The following RUVBL1 variants were observed in gnomAD, a reference collection of about 807,000 sequenced individuals.
The protein encoded by RUVBL1 is RuvB like AAA ATPase 1, also known as ruvB-like 1.
Under a neutral mutation model 52.4 loss-of-function variants are expected in RUVBL1, and 4 were observed. The ratio of observed to expected loss-of-function variants is 0.08; its 90% CI spans 0.04 to 0.17. RUVBL1 has a LOEUF of 0.17. RUVBL1 is among the 10% of genes least tolerant of loss of function. The pLI, the probability that RUVBL1 is intolerant of heterozygous loss-of-function variation, is 1.00. For synonymous variants in RUVBL1, 217 were observed against 214.4 expected, an observed-to-expected ratio of 1.01 and a Z score of -0.10; for missense variants, 298 against 572.8, an observed-to-expected ratio of 0.52 and a Z score of 4.90.
upstream of RUVBL1, among the ~76,000 whole-genome samples, chr3:128,128,601 T>C (rs1336215031): frequency 1.3e-5 from 2 of 152,208 alleles, no homozygotes; most frequent in African/African-American, 4.8e-5. Context: ...AACCTTGATA[T>C]TGAAGTTGCA....
chr3:128,119,427 A>G lies in RUVBL1; in HGVS notation c.142-13T>C, dbSNP rs1445221483. ...TGACGCCACATGCCTACACACCACAATGGAAAGAAATAATAAATCAATATT... is the reference window on the plus strand; with the variant it reads ...TGACGCCACATGCCTACACACCACAGTGGAAAGAAATAATAAATCAATATT... On this transcript the variant is annotated splice_polypyrimidine_tract_variant and intron_variant, in intron 1 of 10. Coordinates refer to ENST00000322623, the MANE Select transcript of RUVBL1 (RefSeq NM_003707.3). 6.3e-7 allele frequency: 1 copy of G among 1,591,990 alleles called. No individual in the cohort carries two copies. Among genetic ancestry groups the G allele is most frequent in the South Asian group, 1.1e-5 (1 of 89,584 alleles).
intron 1 of RUVBL1, among the ~76,000 whole-genome samples, chr3:128,132,000 T>C (rs756932648): frequency 4.6e-5 from 7 of 151,788 alleles, no homozygotes; most frequent in Admixed American, 2.6e-4. Flanking sequence ...CTAAAGAGAG[T>C]AGGAAAGACA....
chr3:128,140,137 C>T (rs1943997667), intron 1 of RUVBL1, among the ~76,000 whole-genome samples: 1 of 151,146 alleles, frequency 6.6e-6, no homozygotes, highest in Non-Finnish European at 1.5e-5. Flanking sequence ...ATCTCATGTA[C>T]TCCTTAAATG....
intron 1 of RUVBL1, among the ~76,000 whole-genome samples, chr3:128,150,877 TTC>T (rs1461684597): frequency 1.5e-4 from 10 of 66,792 alleles, no homozygotes; most frequent in African/African-American, 6.1e-4. Context: ...TATATATATA[TTC>T]TATATATATA....
At chr3:128,102,543 A>G (rs1304474654) in intron 4 of RUVBL1, among the ~76,000 whole-genome samples, 1 of 152,274 alleles carries the variant, frequency 6.6e-6, no homozygotes, top group East Asian at 1.9e-4. Flanking sequence ...TTGCCCAAAC[A>G]AAATTAAAAA....
chr3:128,138,849 C>T (rs945764544), intron 1 of RUVBL1, among the ~76,000 whole-genome samples: 1 of 151,872 alleles, frequency 6.6e-6, no homozygotes, highest in Non-Finnish European at 1.5e-5. Context: ...GCATTAAAAA[C>T]AAAAACAAAA....
At position 128,081,861 on chromosome 3, in the gene RUVBL1, A is replaced by G. The variant is rs1481461887; in HGVS notation, c.1212-452T>C. On this transcript the variant is annotated intron_variant, in intron 10 of 10. Coordinates refer to ENST00000322623, the MANE Select transcript of RUVBL1 (RefSeq NM_003707.3). This position sits in a 1 kb window ranked among gnomAD's most constrained non-coding sequence, Gnocchi z 4.8. ...CCTTCATCCAAACCTCACAGCTTGC[A>G]TTTCTGCCTTCAACCTCAGGAGCAA... 3.0e-5 allele frequency: 5 copies of G among 164,298 alleles called. No individual in the cohort carries two copies. The highest frequency in any genetic ancestry group is 5.4e-5 in the Non-Finnish European group (4 of 74,426). The allele number at this position is 164,298 out of a possible 1,614,324, so 10.2% of individuals were successfully genotyped here. A position where few individuals can be genotyped will look rare whatever the true frequency, so the allele number is the denominator to read the frequency against.
upstream of RUVBL1, among the ~76,000 whole-genome samples, chr3:128,127,433 T>G (rs1238866101): frequency 6.6e-6 from 1 of 152,308 alleles, no homozygotes. Context: ...ACCTTTGCTC[T>G]TTCACCTCCA....
intron 6 of RUVBL1, among the ~76,000 whole-genome samples, chr3:128,099,725 T>TA (rs1943071285): frequency 6.6e-6 from 1 of 152,228 alleles, no homozygotes; most frequent in Admixed American, 6.5e-5. Context: ...GCTGAATAGC[T>TA]AAAGGCAGCA....
downstream of RUVBL1, chr3:128,075,879 C>T (rs1051752520): frequency 6.6e-6 from 1 of 152,396 alleles, no homozygotes; most frequent in Non-Finnish European, 1.5e-5. Context: ...GCCCTGAGAT[C>T]CCCACTGCCC....
At chr3:128,152,406 C>A (rs1361487220) in intron 1 of RUVBL1, among the ~76,000 whole-genome samples, 1 of 152,194 alleles carries the variant, frequency 6.6e-6, no homozygotes, top group East Asian at 1.9e-4. Flanking sequence ...GGAGTTTCAA[C>A]TCAAACAGCA....
intron 9 of RUVBL1, chr3:128,083,098 A>G (rs1265077313): frequency 2.6e-5 from 4 of 154,474 alleles, no homozygotes; most frequent in Non-Finnish European, 5.8e-5. Flanking sequence ...TCACCGGGAG[A>G]TATCTAATCT....
Position 128,067,893 on chromosome 3 carries a change from G to A in RUVBL1, c.940-2673C>T. 1 of 1,004,012 alleles carries A rather than the reference G, an allele frequency of 1.0e-6. No individual in the cohort carries two copies. Among genetic ancestry groups the A allele is most frequent in the Non-Finnish European group, 1.6e-6 (1 of 635,550 alleles). 62.2% of individuals were successfully genotyped at this position (1,004,012 alleles called of 1,614,324 possible). ...TGTATGAATATTGTCAGTGCTCGAAGAGGCGATCTGTAACTGTTCAGTACC... is the reference window on the plus strand; with the variant it reads ...TGTATGAATATTGTCAGTGCTCGAAAAGGCGATCTGTAACTGTTCAGTACC... On this transcript the variant is annotated intron_variant, in intron 9 of 9. Transcript: ENST00000464873. The surrounding 1 kb of genome is among the most constrained non-coding windows in gnomAD (Gnocchi z 4.1).
At chr3:128,123,313 G>A (rs1242805528) in intron 1 of RUVBL1, among the ~76,000 whole-genome samples, 1 of 152,186 alleles carries the variant, frequency 6.6e-6, no homozygotes, top group African/African-American at 2.4e-5. Context: ...TAAGGGGACG[G>A]GGTTGTGTGG....
exon 10 of RUVBL1, chr3:128,065,014 TTTG>T: frequency 6.2e-7 from 1 of 1,614,234 alleles, no homozygotes. Flanking sequence ...CATCTTTGTC[TTTG>T]CAGTGGTCAT....
At chr3:128,153,334 C>G (rs1437078142) in exon 1 of RUVBL1, 1 of 1,372,326 alleles carries the variant, frequency 7.3e-7, no homozygotes, top group East Asian at 3.0e-5. Context: ...ACCACCCACT[C>G]GGAGCACGGC....
chr3:128,112,734 G>T (rs1324480702), intron 3 of RUVBL1, among the ~76,000 whole-genome samples, 154 bp downstream of exon 3: 1 of 152,152 alleles, frequency 6.6e-6, no homozygotes, highest in Non-Finnish European at 1.5e-5. Context: ...CTGGGGTTTT[G>T]TTTTATTTGA....
At chr3:128,106,701 AC>A (rs1367183007) in intron 3 of RUVBL1, among the ~76,000 whole-genome samples, 1 of 152,214 alleles carries the variant, frequency 6.6e-6, no homozygotes, top group Non-Finnish European at 1.5e-5. Flanking sequence ...TACTAATAAT[AC>A]CCAAGAAACG....
downstream of RUVBL1, among the ~76,000 whole-genome samples, chr3:128,078,568 G>A (rs1942392509): frequency 6.6e-6 from 1 of 152,220 alleles, no homozygotes; most frequent in Non-Finnish European, 1.5e-5. Context: ...TGCGCTGAGA[G>A]CCTGGAATAT....
Sources: allele counts gnomAD v4.1 joint callset (sites outside exome capture counted in the v4.1 genomes callset), GRCh38; gene constraint gnomAD v4.1.1; non-coding constraint Gnocchi (gnomAD v3.1); transcripts MANE v1.5; gene names NCBI Gene and HGNC (gene_info 2026-07-23, HGNC 2026-07-21).